SNTB1: variants seen among roughly 807,000 people sequenced by gnomAD.
SNTB1 encodes the protein beta-1-syntrophin.
SNTB1 carries 36 observed loss-of-function variants against 48.9 expected under a neutral mutation model. The observed-to-expected ratio is 0.74, with a 90% CI of 0.56 to 0.97. SNTB1 has a LOEUF of 0.97. SNTB1 is among the 50% of genes least tolerant of loss of function. The pLI is 0.00. For synonymous variants in SNTB1, 299 were observed against 294.6 expected (o/e 1.01, Z -0.15); for missense variants, 786 against 703.4 (o/e 1.12, Z -1.33).
intron 3 of SNTB1, among the ~76,000 whole-genome samples, chr8:120,619,555 T>C (rs1816762644): frequency 6.6e-6 from 1 of 152,208 alleles, no homozygotes; most frequent in African/African-American, 2.4e-5. Context: ...AAGCTCTCTT[T>C]GGAAACCCCA....
chr8:120,544,630 G>A lies in SNTB1; in HGVS notation c.1334-2630C>T, dbSNP rs545113493. 2.0e-5 allele frequency among the ~76,000 whole-genome samples: 3 copies of A among 152,274 alleles called. No homozygotes were observed. The South Asian group carries it at 6.2e-4, about 32-fold the overall frequency. On this transcript the variant is annotated intron_variant, in intron 5 of 6. Coordinates refer to ENST00000517992, the MANE Select transcript of SNTB1 (RefSeq NM_021021.4). Reference sequence around the variant, plus strand: ...AGAGAAAGATTTTACAAAATTTGTAGAATGTAAATTAAGCCAAATCCCTTT... The same window carrying A: ...AGAGAAAGATTTTACAAAATTTGTAAAATGTAAATTAAGCCAAATCCCTTT...
intron 1 of SNTB1, among the ~76,000 whole-genome samples, chr8:120,769,954 C>T (rs903039404): frequency 7.9e-5 from 12 of 152,182 alleles, no homozygotes; most frequent in African/African-American, 2.9e-4. Context: ...TGCTGTTGGA[C>T]AGGGTCAAGA....
chr8:120,599,912 T>G (rs1357759296), intron 3 of SNTB1, among the ~76,000 whole-genome samples: 1 of 152,252 alleles, frequency 6.6e-6, no homozygotes, highest in Non-Finnish European at 1.5e-5. Flanking sequence ...GCTATACTTA[T>G]AGCATTTGGA....
At chr8:120,692,315 A>G (rs1818142304) in intron 2 of SNTB1, among the ~76,000 whole-genome samples, 1 of 151,914 alleles carries the variant, frequency 6.6e-6, no homozygotes, top group South Asian at 2.1e-4. Context: ...CCCATGAGCA[A>G]CTCTGAGCCT....
At chr8:120,639,616 C>T (rs537191664) in intron 2 of SNTB1, among the ~76,000 whole-genome samples, 1,892 of 152,290 alleles carry the variant, frequency 0.012, 46 homozygotes, top group African/African-American at 0.042. Flanking sequence ...GTTTTTCCAG[C>T]ACCATTTATT....
chr8:120,609,207 T>C (rs1816576520), intron 3 of SNTB1, among the ~76,000 whole-genome samples: 1 of 152,198 alleles, frequency 6.6e-6, no homozygotes, highest in African/African-American at 2.4e-5. Flanking sequence ...GTAATAAATC[T>C]AGTTCCAGGC....
Position 120,665,017 on chromosome 8 carries a change from T to C in SNTB1, c.788+28675A>G, listed in dbSNP as rs146310902. Among the ~76,000 whole-genome samples the C allele has an allele frequency of 4.1e-3, 629 of 152,380 alleles. 3 individuals are homozygous for C. Among genetic ancestry groups the C allele is most frequent in the Non-Finnish European group, 6.9e-3 (472 of 68,040 alleles). On this transcript the variant is annotated intron_variant, in intron 2 of 6. Coordinates refer to ENST00000517992, the MANE Select transcript of SNTB1 (RefSeq NM_021021.4). ...TGTGGTTTTAATTTGCATGTGTGCATTGACTAATGAAGTAGATCACCTTTT... is the reference window on the plus strand; with the variant it reads ...TGTGGTTTTAATTTGCATGTGTGCACTGACTAATGAAGTAGATCACCTTTT...
chr8:120,606,266 CATAATTAT>C (rs958311153), intron 3 of SNTB1, among the ~76,000 whole-genome samples: 2 of 145,800 alleles, frequency 1.4e-5, no homozygotes, highest in Admixed American at 6.9e-5. Flanking sequence ...TTATTTATAA[CATAATTAT>C]ATAATTATAT....
chr8:120,549,648 A>AT (rs1308177069), intron 4 of SNTB1, among the ~76,000 whole-genome samples: 2 of 152,276 alleles, frequency 1.3e-5, no homozygotes, highest in South Asian at 4.1e-4. Flanking sequence ...CATAGTAAAT[A>AT]TTTTCTGAAA....
At chr8:120,730,096 T>C (rs1209127619) in intron 1 of SNTB1, among the ~76,000 whole-genome samples, 1 of 152,182 alleles carries the variant, frequency 6.6e-6, no homozygotes, top group Non-Finnish European at 1.5e-5. Context: ...TTCAACCAAA[T>C]TAAGTACCCA....
intron 3 of SNTB1, among the ~76,000 whole-genome samples, chr8:120,604,021 TG>T (rs1816469742): frequency 6.6e-6 from 1 of 152,048 alleles, no homozygotes; most frequent in Non-Finnish European, 1.5e-5. Context: ...CATACCCAGG[TG>T]TCTGCGAGTG....
At chr8:120,625,087 C>A (rs1305828487) in intron 3 of SNTB1, among the ~76,000 whole-genome samples, 1 of 152,152 alleles carries the variant, frequency 6.6e-6, no homozygotes, top group African/African-American at 2.4e-5. Context: ...TTTCTCAGGA[C>A]CCCACTTCTG....
intron 3 of SNTB1, among the ~76,000 whole-genome samples, chr8:120,605,747 G>A (rs999671135): frequency 6.6e-6 from 1 of 152,200 alleles, no homozygotes; most frequent in African/African-American, 2.4e-5. Context: ...GTGTGAGGTT[G>A]CGCTCTGACT....
chr8:120,779,820 G>A (rs1021288454), intron 1 of SNTB1, among the ~76,000 whole-genome samples: 8 of 152,150 alleles, frequency 5.3e-5, no homozygotes, highest in African/African-American at 9.7e-5. Context: ...GGTATGTCAC[G>A]TTTGAGAAAT....
intron 2 of SNTB1, among the ~76,000 whole-genome samples, chr8:120,649,719 T>C (rs1321688374): frequency 6.6e-6 from 1 of 152,020 alleles, no homozygotes; most frequent in Non-Finnish European, 1.5e-5. Flanking sequence ...CCGGCTGCTT[T>C]GTTTACCTAA....
At chr8:120,693,273 T>G (rs1471783697) in intron 2 of SNTB1, among the ~76,000 whole-genome samples, 1 of 152,176 alleles carries the variant, frequency 6.6e-6, no homozygotes, top group Non-Finnish European at 1.5e-5. Flanking sequence ...ACATGAGATT[T>G]GGAGGGGACA....
intron 4 of SNTB1, among the ~76,000 whole-genome samples, chr8:120,566,885 T>C (rs536471027): frequency 3.3e-5 from 5 of 152,222 alleles, no homozygotes; most frequent in Non-Finnish European, 5.9e-5. Flanking sequence ...GATTGTTAGC[T>C]GGAATAAGAG....
chr8:120,795,844 C>T (rs943390734), intron 1 of SNTB1, among the ~76,000 whole-genome samples: 23 of 151,938 alleles, frequency 1.5e-4, no homozygotes, highest in African/African-American at 5.6e-4. Flanking sequence ...TGCATCATCC[C>T]CATCCCTGCC....
chr8:120,811,179 A>T (rs1453699896), intron 1 of SNTB1, 94 bp downstream of exon 1: 13 of 1,472,462 alleles, frequency 8.8e-6, no homozygotes, highest in Non-Finnish European at 1.2e-5. Context: ...GTGTGTCCGC[A>T]TGTGGCCGAG....
Sources: allele counts gnomAD v4.1 joint callset (sites outside exome capture counted in the v4.1 genomes callset), GRCh38; gene constraint gnomAD v4.1.1; transcripts MANE v1.5; gene names NCBI Gene and HGNC (gene_info 2026-07-23, HGNC 2026-07-21).